MGAT4A: variants seen among roughly 807,000 people sequenced by gnomAD.
The protein encoded by MGAT4A is alpha-1,3-mannosyl-glycoprotein 4-beta-N-acetylglucosaminyltransferase A.
In MGAT4A, 33 loss-of-function variants were observed where a neutral mutation model predicts 74.1. The observed-to-expected ratio is 0.45, with a 90% CI of 0.34 to 0.60. The LOEUF (loss-of-function observed/expected upper bound fraction) is 0.60. Ranked by LOEUF, MGAT4A falls within the 20% of genes least tolerant of loss-of-function variation. The probability of loss-of-function intolerance (pLI) is 0.02; values close to 1 mark genes in which losing one functional copy is unlikely to be tolerated. For synonymous variants in MGAT4A, 198 were observed against 210.4 expected, an observed-to-expected ratio of 0.94 and a Z score of 0.51; for missense variants, 479 against 628.3, an observed-to-expected ratio of 0.76 and a Z score of 2.54.
chr2:98,651,636 C>T (rs1458771657), intron 8 of MGAT4A, among the ~76,000 whole-genome samples: 1 of 151,786 alleles, frequency 6.6e-6, no homozygotes, highest in Non-Finnish European at 1.5e-5. Context: ...AAGAAAGCAG[C>T]AAGAGAGGAA....
At chr2:98,635,943 G>A (rs796717578) in intron 13 of MGAT4A, among the ~76,000 whole-genome samples, 15 of 150,110 alleles carry the variant, frequency 1.0e-4, no homozygotes, top group African/African-American at 1.7e-4. Flanking sequence ...AGCCAAGATC[G>A]CACCACTGCA....
chr2:98,724,543 G>C (rs1702733632), intron 2 of MGAT4A, among the ~76,000 whole-genome samples: 1 of 152,242 alleles, frequency 6.6e-6, no homozygotes, highest in African/African-American at 2.4e-5. Flanking sequence ...GAGCTATTCA[G>C]AGAATGATGA....
chr2:98,660,416 GCGCACACACACACACACA>G (rs1422705220), intron 5 of MGAT4A, among the ~76,000 whole-genome samples: 118 of 84,950 alleles, frequency 1.4e-3, no homozygotes, highest in East Asian at 7.2e-3. Flanking sequence ...ACACACGCAC[GCGCACACACACACACACA>G]CACACACACA....
At chr2:98,698,081 G>T (rs1256093989) in intron 2 of MGAT4A, among the ~76,000 whole-genome samples, 1 of 152,138 alleles carries the variant, frequency 6.6e-6, no homozygotes, top group Non-Finnish European at 1.5e-5. Flanking sequence ...ACTGATATTT[G>T]CATTTGATGA....
intron 1 of MGAT4A, among the ~76,000 whole-genome samples, chr2:98,727,096 G>A (rs1052216592): frequency 3.3e-5 from 5 of 152,126 alleles, no homozygotes; most frequent in Admixed American, 3.3e-4. Flanking sequence ...GTAACAATCT[G>A]TCCTGTGTCC....
chr2:98,646,100 G>A (rs796099096), intron 8 of MGAT4A, among the ~76,000 whole-genome samples: 28 of 152,096 alleles, frequency 1.8e-4, no homozygotes, highest in African/African-American at 4.1e-4. Context: ...ATAAATACAC[G>A]TAAAAATTTG....
chr2:98,695,347 CT>C, intron 2 of MGAT4A: 1 of 191,776 alleles, frequency 5.2e-6, no homozygotes. Context: ...CTAAAACAGC[CT>C]TTGATGAAGC....
At chr2:98,707,785 T>C (rs372907526) in intron 2 of MGAT4A, among the ~76,000 whole-genome samples, 3 of 152,302 alleles carry the variant, frequency 2.0e-5, no homozygotes. Context: ...CCACCCTGCC[T>C]GTCCCTTCTG....
chr2:98,654,521 T>C (rs1048858794), intron 8 of MGAT4A, among the ~76,000 whole-genome samples: 22 of 149,628 alleles, frequency 1.5e-4, no homozygotes, highest in African/African-American at 5.4e-4. Flanking sequence ...CAATGACCAA[T>C]CCAAAAAAAA....
chr2:98,642,410 C>G (rs2104238494), intron 10 of MGAT4A, among the ~76,000 whole-genome samples: 1 of 152,286 alleles, frequency 6.6e-6, no homozygotes, highest in East Asian at 1.9e-4. Context: ...CCTCGAGATT[C>G]TAGGGGAAGC....
intron 4 of MGAT4A, among the ~76,000 whole-genome samples, chr2:98,663,991 G>C (rs1043278314): frequency 6.6e-6 from 1 of 151,990 alleles, no homozygotes; most frequent in African/African-American, 2.4e-5. Context: ...TACACTGCTT[G>C]AGCTCAGGAG....
intron 2 of MGAT4A, among the ~76,000 whole-genome samples, chr2:98,683,508 G>T (rs1016262614): frequency 6.6e-6 from 1 of 151,990 alleles, no homozygotes; most frequent in Admixed American, 6.6e-5. Context: ...AATGTGTAGA[G>T]AACTTATTTG....
At chr2:98,674,480 A>G (rs868690488) in intron 4 of MGAT4A, among the ~76,000 whole-genome samples, 2 of 152,210 alleles carry the variant, frequency 1.3e-5, no homozygotes, top group South Asian at 4.1e-4. Context: ...AAACAAACAA[A>G]AAGAGTGGTA....
intron 2 of MGAT4A, among the ~76,000 whole-genome samples, chr2:98,714,707 C>T (rs758867288): frequency 6.6e-6 from 1 of 152,090 alleles, no homozygotes; most frequent in Non-Finnish European, 1.5e-5. Flanking sequence ...CTGGAGCATG[C>T]TATGGCACCA....
At chr2:98,729,315 T>A (rs1390375038) in intron 1 of MGAT4A, among the ~76,000 whole-genome samples, 1 of 152,184 alleles carries the variant, frequency 6.6e-6, no homozygotes, top group African/African-American at 2.4e-5. Flanking sequence ...TAATTAGGGT[T>A]TCCCAGCTAA....
intron 2 of MGAT4A, among the ~76,000 whole-genome samples, chr2:98,703,461 G>A (rs1224314075): frequency 1.3e-5 from 2 of 151,990 alleles, no homozygotes; most frequent in South Asian, 2.1e-4. Context: ...TAGAGAAAAA[G>A]TAGTAGAAAA....
chr2:98,637,027 A>G (rs1214546571), intron 12 of MGAT4A, among the ~76,000 whole-genome samples: 8 of 152,152 alleles, frequency 5.3e-5, no homozygotes, highest in Admixed American at 5.2e-4. Context: ...GACCAGTTCT[A>G]GGCTGGGCGT....
chr2:98,702,349 C>G (rs1003796021), intron 2 of MGAT4A, among the ~76,000 whole-genome samples: 2 of 152,232 alleles, frequency 1.3e-5, no homozygotes, highest in African/African-American at 4.8e-5. Context: ...CAGAGGCCTG[C>G]TGCCATGAGG....
chr2:98,636,809 A>C (rs773442110), intron 12 of MGAT4A, among the ~76,000 whole-genome samples: 10 of 152,224 alleles, frequency 6.6e-5, no homozygotes, highest in Non-Finnish European at 1.0e-4. Flanking sequence ...TGATAAGTTC[A>C]TTCCTTCTGT....
Sources: gnomAD v4.1 joint callset for allele counts (sites outside exome capture counted in the v4.1 genomes callset) on GRCh38, gnomAD v4.1.1 for gene constraint, MANE v1.5 for transcripts, NCBI Gene and HGNC (gene_info 2026-07-23, HGNC 2026-07-21) for gene names.